GRID2: variants seen among roughly 807,000 people sequenced by gnomAD.
GRID2 encodes glutamate ionotropic receptor delta type subunit 2.
In GRID2, 33 loss-of-function variants were observed where a neutral mutation model predicts 114.8. That is an observed-to-expected ratio of 0.29 (90% confidence interval 0.22 to 0.38). The LOEUF is 0.38. Ranked by LOEUF, GRID2 falls within the 10% of genes least tolerant of loss-of-function variation. The probability of loss-of-function intolerance (pLI) is 1.00; values close to 1 mark genes in which losing one functional copy is unlikely to be tolerated. For missense variants in GRID2, 1,184 were observed against 1,257.7 expected, an observed-to-expected ratio of 0.94 and a Z score of 0.89; for synonymous variants, 505 against 449.9, an observed-to-expected ratio of 1.12 and a Z score of -1.55.
intron 2 of GRID2, among the ~76,000 whole-genome samples, chr4:92,976,429 C>T (rs1025323526): frequency 3.3e-5 from 5 of 151,994 alleles, no homozygotes; most frequent in African/African-American, 1.2e-4. Flanking sequence ...GCAGTTGTAG[C>T]AATTGAACCT....
At chr4:92,740,718 AGATAGATAGATAGATAGATAGATG>A (rs1256900296) in intron 2 of GRID2, among the ~76,000 whole-genome samples, 31 of 98,318 alleles carry the variant, frequency 3.2e-4, no homozygotes, top group African/African-American at 1.0e-3. Context: ...ATAGATAGAT[AGATAGATAGATAGATAGATAGATG>A]GATAGATAGA....
intron 8 of GRID2, among the ~76,000 whole-genome samples, chr4:93,324,090 C>T (rs111575659): frequency 0.27 from 41,255 of 151,910 alleles, 6,648 homozygotes; most frequent in African/African-American, 0.45. Context: ...CTATGTTGAA[C>T]AGGAGTGGTG....
chr4:93,157,227 T>C (rs886324657), intron 4 of GRID2, among the ~76,000 whole-genome samples: 1 of 151,646 alleles, frequency 6.6e-6, no homozygotes, highest in Admixed American at 6.6e-5. Context: ...CCTACATTAT[T>C]TGTGAGACTC....
Position 93,155,161 on chromosome 4 carries a change from A to T in GRID2, c.735+44208A>T, listed in dbSNP as rs183771883. Among the ~76,000 whole-genome samples, 742 of 152,030 alleles carry T rather than the reference A, an allele frequency of 4.9e-3. 1 individual carries two copies. Among genetic ancestry groups the T allele is most frequent in the Non-Finnish European group, 8.3e-3 (563 of 67,922 alleles). ...AGACTAAACTTGAAATTGTATATTCATGATCTCACCTTCTCTTTATTCTTC... is the reference window on the plus strand; with the variant it reads ...AGACTAAACTTGAAATTGTATATTCTTGATCTCACCTTCTCTTTATTCTTC... On this transcript the variant is annotated intron_variant, in intron 4 of 15. Coordinates refer to ENST00000282020, the MANE Select transcript of GRID2 (RefSeq NM_001510.4).
chr4:92,916,279 T>A (rs1748784209), intron 2 of GRID2, among the ~76,000 whole-genome samples: 2 of 152,150 alleles, frequency 1.3e-5, no homozygotes, highest in Non-Finnish European at 2.9e-5. Flanking sequence ...TTCAATATTC[T>A]GCATATGGCT....
intron 2 of GRID2, among the ~76,000 whole-genome samples, chr4:92,933,213 C>T (rs1305540461): frequency 6.6e-6 from 1 of 150,652 alleles, no homozygotes; most frequent in Non-Finnish European, 1.5e-5. Context: ...AATCGGATTA[C>T]TGTGGAAATA....
intron 3 of GRID2, among the ~76,000 whole-genome samples, chr4:93,109,533 T>G (rs1426681056): frequency 6.6e-6 from 1 of 152,164 alleles, no homozygotes; most frequent in African/African-American, 2.4e-5. Flanking sequence ...TTTTCTGGTT[T>G]GTATGTTGAA....
intron 4 of GRID2, among the ~76,000 whole-genome samples, chr4:93,151,019 C>A (rs1736684239): frequency 2.0e-5 from 3 of 147,920 alleles, no homozygotes; most frequent in Admixed American, 1.4e-4. Context: ...ATCCTAGCTA[C>A]TTGGGAGGCT....
chr4:93,597,144 A>T (rs1434800954), intron 13 of GRID2, among the ~76,000 whole-genome samples: 4 of 152,230 alleles, frequency 2.6e-5, no homozygotes, highest in Admixed American at 6.5e-5. Flanking sequence ...TTAGGTAAAC[A>T]TTGGATTCTC....
At chr4:92,482,916 G>A (rs1722686551) in intron 1 of GRID2, among the ~76,000 whole-genome samples, 1 of 151,880 alleles carries the variant, frequency 6.6e-6, no homozygotes, top group South Asian at 2.1e-4. Flanking sequence ...ATTTTTAATA[G>A]CAACATCTGT....
At chr4:93,606,337 GA>G (rs1323188994) in intron 13 of GRID2, among the ~76,000 whole-genome samples, 10 of 152,002 alleles carry the variant, frequency 6.6e-5, no homozygotes, top group Non-Finnish European at 1.3e-4. Flanking sequence ...CCAAGCAAAA[GA>G]AAATGAATAT....
At position 92,935,793 on chromosome 4, in the gene GRID2, C is replaced by G. The variant is rs187689739; in HGVS notation, c.245-149202C>G. Among the ~76,000 whole-genome samples the G allele has an allele frequency of 1.0e-3, 146 of 144,914 alleles. 6 individuals are homozygous for G. The highest frequency in any genetic ancestry group is 3.1e-3 in the African/African-American group (128 of 40,958). ...AGTAAACTATCGCAAGGACAAAAAA[C>G]CAAACACTGCATGTTCTCACTCATA... On this transcript the variant is annotated intron_variant, in intron 2 of 15. Transcript: ENST00000282020.
At chr4:93,294,337 C>A (rs1264654080) in intron 8 of GRID2, among the ~76,000 whole-genome samples, 1 of 152,102 alleles carries the variant, frequency 6.6e-6, no homozygotes, top group Admixed American at 6.5e-5. Context: ...TACTCTAAAT[C>A]AAGAAGCTTC....
intron 2 of GRID2, among the ~76,000 whole-genome samples, chr4:92,956,222 A>G (rs1406495234): frequency 1.3e-5 from 2 of 152,220 alleles, no homozygotes; most frequent in Non-Finnish European, 2.9e-5. Context: ...TGATGAAGAT[A>G]ACTTGACACA....
intron 1 of GRID2, among the ~76,000 whole-genome samples, chr4:92,547,561 A>G (rs1426270370): frequency 6.6e-6 from 1 of 152,216 alleles, no homozygotes; most frequent in Non-Finnish European, 1.5e-5. Flanking sequence ...TACATACAAA[A>G]TGACAAATCA....
Position 93,016,062 on chromosome 4 carries a change from AGTGTGT to A in GRID2, c.245-68916_245-68911del, listed in dbSNP as rs34148364. ...TTGGGGAGGGGGAAGTGTGTGTGTG[AGTGTGT>A]GTGTGTGTGTGTGTGTTTAAATGTT... is the stretch of plus-strand genomic sequence containing the variant. On this transcript the variant is annotated intron_variant, in intron 2 of 15. Coordinates refer to ENST00000282020, the MANE Select transcript of GRID2 (RefSeq NM_001510.4). Among the ~76,000 whole-genome samples, 121 of 148,358 alleles carry A rather than the reference AGTGTGT, an allele frequency of 8.2e-4. 1 individual carries two copies. Among genetic ancestry groups the A allele is most frequent in the African/African-American group, 2.6e-3 (105 of 40,470 alleles).
intron 8 of GRID2, among the ~76,000 whole-genome samples, chr4:93,354,620 G>A (rs192096898): frequency 1.0e-3 from 152 of 149,962 alleles, no homozygotes; most frequent in African/African-American, 3.4e-3. Context: ...TTTAAACTAC[G>A]CTAAAGTAGG....
In GRID2 at chr4:92,825,045, T is replaced by A. The variant is rs550323590; in HGVS notation, c.244+234759T>A. On this transcript the variant is annotated intron_variant, in intron 2 of 15. Transcript: ENST00000282020. ...AAAGTATAATTAAAAATACATAAAATTTTTTTTAAAAGTACTAACATATAT... is the reference window on the plus strand; with the variant it reads ...AAAGTATAATTAAAAATACATAAAAATTTTTTTAAAAGTACTAACATATAT... Among the ~76,000 whole-genome samples the A allele has an allele frequency of 5.8e-3, 870 of 150,908 alleles. 16 individuals carry two copies. Among genetic ancestry groups the A allele is most frequent in the African/African-American group, 0.02 (825 of 40,422 alleles).
intron 2 of GRID2, among the ~76,000 whole-genome samples, chr4:92,609,446 A>T (rs1293808370): frequency 6.6e-6 from 1 of 151,446 alleles, no homozygotes; most frequent in Non-Finnish European, 1.5e-5. Context: ...AAAAAAAATG[A>T]AGTAGCATAC....
Sources: gnomAD v4.1 joint callset for allele counts (sites outside exome capture counted in the v4.1 genomes callset) on GRCh38, gnomAD v4.1.1 for gene constraint, MANE v1.5 for transcripts, NCBI Gene and HGNC (gene_info 2026-07-23, HGNC 2026-07-21) for gene names.